MACF1: variants seen among roughly 807,000 people sequenced by gnomAD.
MACF1 encodes the protein microtubule actin crosslinking factor 1.
MACF1 carries 193 observed loss-of-function variants against 854.8 expected under a neutral mutation model. That is an observed-to-expected ratio of 0.23 (90% confidence interval 0.20 to 0.25). MACF1 has a LOEUF of 0.25. MACF1 is among the 10% of genes least tolerant of loss of function. The probability of loss-of-function intolerance (pLI) is 1.00; values close to 1 mark genes in which losing one functional copy is unlikely to be tolerated. For synonymous variants in MACF1, 3,185 were observed against 3,226.7 expected, an observed-to-expected ratio of 0.99 and a Z score of 0.44; for missense variants, 7,722 against 8,929.1, an observed-to-expected ratio of 0.86 and a Z score of 5.45.
At chr1:39,103,288 A>C (rs1642139290) in intron 2 of MACF1, 1 of 312,752 alleles carries the variant, frequency 3.2e-6, no homozygotes, top group South Asian at 2.9e-5. Context: ...ACCTGCTCAC[A>C]AAGTGGCGCG....
At chr1:39,358,282 A>G (rs1475630760) in intron 45 of MACF1, among the ~76,000 whole-genome samples, 1 of 152,142 alleles carries the variant, frequency 6.6e-6, no homozygotes, top group East Asian at 1.9e-4. Flanking sequence ...GTGAATCCTT[A>G]CCTTCCTTCC....
At chr1:39,448,954 C>T (rs1332634698) in intron 84 of MACF1, among the ~76,000 whole-genome samples, 191 bp downstream of exon 84, 2 of 152,124 alleles carry the variant, frequency 1.3e-5, no homozygotes, top group East Asian at 1.9e-4. Flanking sequence ...TAAACTTGAA[C>T]CTTATTGTAT....
intron 66 of MACF1, among the ~76,000 whole-genome samples, chr1:39,431,165 A>G (rs1427373633): frequency 2.0e-5 from 3 of 152,214 alleles, no homozygotes; most frequent in African/African-American, 7.2e-5. Flanking sequence ...TTCTTAGCTA[A>G]TGCCCTGCTA....
At chr1:39,290,935 A>G (rs1645769348) in intron 15 of MACF1, among the ~76,000 whole-genome samples, 2 of 151,356 alleles carry the variant, frequency 1.3e-5, no homozygotes, top group African/African-American at 4.9e-5. Flanking sequence ...TTGGCCTCCC[A>G]AAGTGCTGGG....
intron 22 of MACF1, 71 bp from the exon 23 acceptor site, chr1:39,302,853 G>T: frequency 7.0e-7 from 1 of 1,428,324 alleles, no homozygotes; most frequent in East Asian, 2.3e-5. Flanking sequence ...GATAGCTTTG[G>T]GATGAGGCAC....
chr1:39,432,428 T>TA, intron 66 of MACF1, 107 bp from the exon 67 acceptor site: 2 of 929,702 alleles, frequency 2.2e-6, no homozygotes, highest in South Asian at 3.4e-5. Flanking sequence ...TTGTGAGATA[T>TA]AAACTGTATT....
rs1325023208 is a variant in MACF1 at position 39,302,934 on chromosome 1, G to T, written c.2645G>T (p.Cys882Phe). 1.2e-6 allele frequency: 2 copies of T among 1,613,584 alleles called. No individual in the cohort carries two copies. Among genetic ancestry groups the T allele is most frequent in the East Asian group, 2.2e-5 (1 of 44,862 alleles). ...AATTTATCTCTTCAGATTACTATTT[G>T]CAAAAATGATGAATGTGTGCTAGAA... The part of the protein sequence containing the change: ...CDYRQIEITI[C>F]KNDECVLEDN... The change falls in exon 23 of 101, where the codon TGC becomes TTC. Residue 882 changes from cysteine (C) to phenylalanine (F), a missense_variant. This residue lies in a region of MACF1 where 1,137 missense variants were observed against 1,263.0 expected (regional missense o/e 0.90). Coordinates refer to ENST00000564288, the MANE Select transcript of MACF1 (RefSeq NM_001394062.1).
At chr1:39,219,161 G>T (rs934159701) in intron 1 of MACF1, among the ~76,000 whole-genome samples, 2 of 152,128 alleles carry the variant, frequency 1.3e-5, no homozygotes, top group South Asian at 2.1e-4. Flanking sequence ...AATCCTCATT[G>T]GTACTTTCTC....
rs777776021 is a variant in MACF1 at position 39,282,372 on chromosome 1, C to T, written c.693C>T (p.Tyr231=). The T allele has an allele frequency of 1.9e-6, 3 of 1,612,102 alleles. No individual in the cohort carries two copies. The highest frequency in any genetic ancestry group is 2.5e-6 in the Non-Finnish European group (3 of 1,178,606). The stretch of plus-strand genomic sequence containing the variant: ...TGTTCAATGCACTCATTCACCGATA[C>T]CGGTAAGAACAGTGGAATTTCTGTG... The part of the protein sequence containing the change: ...GKMFNALIHR[Y]RPDLVDMERV... Residue 231 remains tyrosine, a splice_region_variant and synonymous_variant, in exon 7 of 101, where the codon TAC becomes TAT. Transcript: ENST00000564288.
At chr1:39,462,540 C>A (rs1046924269) in intron 93 of MACF1, among the ~76,000 whole-genome samples, 3 of 59,964 alleles carry the variant, frequency 5.0e-5, no homozygotes, top group Non-Finnish European at 1.0e-4. Flanking sequence ...TTCTGTCTGT[C>A]CCCCCCGCCA....
intron 94 of MACF1, chr1:39,464,048 T>G: frequency 4.7e-6 from 1 of 211,836 alleles, no homozygotes; most frequent in Non-Finnish European, 9.9e-6. Context: ...GCTCCCAGGC[T>G]AGAGAGGCCT....
intron 6 of MACF1, among the ~76,000 whole-genome samples, chr1:39,274,339 A>G (rs1171355844): frequency 6.6e-6 from 1 of 152,232 alleles, no homozygotes; most frequent in Admixed American, 6.5e-5. Flanking sequence ...TAATACATAT[A>G]CAGTTGGCTC....
In MACF1 at chr1:39,360,012, AATATAT is replaced by A. The variant is rs1188839648; in HGVS notation, c.12245-745_12245-740del. ...AAAAAAAAAAAAAAAAAAAAAAAAA[AATATAT>A]ATATATATATATATATATATATATA... On this transcript the variant is annotated intron_variant, in intron 47 of 100. Transcript: ENST00000564288. 4.3e-3 allele frequency among the ~76,000 whole-genome samples: 123 copies of A among 28,794 alleles called. 1 individual carries two copies. The highest frequency in any genetic ancestry group is 0.012 in the South Asian group (6 of 516). The allele number at this position is 28,794 out of a possible 152,430, so 18.9% of individuals were successfully genotyped here.
intron 38 of MACF1, 73 bp from the exon 39 acceptor site, chr1:39,340,429 A>G: frequency 9.4e-7 from 1 of 1,065,894 alleles, no homozygotes; most frequent in Non-Finnish European, 1.4e-6. Flanking sequence ...GGTGAGAGAG[A>G]AATGTGTTCA....
chr1:39,350,872 A>G lies in MACF1; in HGVS notation c.11053A>G (p.Lys3685Glu). Residue 3685 changes from lysine to glutamate, a missense_variant, in exon 43 of 101, where the codon AAG becomes GAG. Lys to Glu is a moderately conservative substitution (Grantham distance 56). Around this residue, in one of 15 missense-constraint regions of MACF1, gnomAD observed 2,807 missense variants for 3,235.8 expected, o/e 0.87. Coordinates refer to ENST00000564288, the MANE Select transcript of MACF1 (RefSeq NM_001394062.1). ...GGGGTTCATGGAAGAGAATCAGACC[A>G]AGCTGAGCCCACGTGAGTTGACAGC... The part of the protein sequence containing the change: ...IEGFMEENQT[K>E]LSPRELTALR... 1 of 1,614,062 alleles carries G rather than the reference A, an allele frequency of 6.2e-7. No individual in the cohort carries two copies. The highest frequency in any genetic ancestry group is 8.5e-7 in the Non-Finnish European group (1 of 1,179,972).
chr1:39,138,574 G>A (rs1050170201), intron 2 of MACF1, among the ~76,000 whole-genome samples: 1 of 150,212 alleles, frequency 6.7e-6, no homozygotes, highest in Non-Finnish European at 1.5e-5. Flanking sequence ...GACAGAGAGA[G>A]ACTCTGTCTC....
Position 39,269,561 on chromosome 1 carries a change from C to T in MACF1, c.528+11533C>T, listed in dbSNP as rs1174439485. On this transcript the variant is annotated intron_variant, in intron 6 of 100. Transcript: ENST00000564288. ...TGTCCATCAGTGGTGTGACTGTGAGCATTTTGCCCTCCTCCTCTGGCTATG... is the reference window on the plus strand; with the variant it reads ...TGTCCATCAGTGGTGTGACTGTGAGTATTTTGCCCTCCTCCTCTGGCTATG... 2.3e-6 allele frequency: 3 copies of T among 1,289,676 alleles called. No homozygotes were observed. The African/African-American group carries it at 4.6e-5, about 20-fold the overall frequency. 79.9% of individuals were successfully genotyped at this position (1,289,676 alleles called of 1,614,324 possible). A position where few individuals can be genotyped will look rare whatever the true frequency, so the allele number is the denominator to read the frequency against.
chr1:39,447,952 T>C lies in MACF1; in HGVS notation c.19968+54T>C, dbSNP rs373473916. The C allele has an allele frequency of 6.2e-6, 10 of 1,611,846 alleles. No homozygotes were observed. The East Asian group carries it at 8.9e-5, about 14-fold the overall frequency. On this transcript the variant is annotated intron_variant, in intron 82 of 100. Transcript: ENST00000564288. ...ACTGAAGAGTCTTGGGCTGCATGTATTGAGTCTCTGGGATGATTCTCAAAC... is the reference window on the plus strand; with the variant it reads ...ACTGAAGAGTCTTGGGCTGCATGTACTGAGTCTCTGGGATGATTCTCAAAC...
rs760113791 is a variant in MACF1 at position 39,331,479 on chromosome 1, C to T, written c.4891C>T (p.Pro1631Ser). Residue 1631 changes from proline to serine, a missense_variant, in exon 37 of 101, where the codon CCT (proline) becomes TCT (serine). This residue lies in a region of MACF1 where 1,531 missense variants were observed against 1,601.6 expected (regional missense o/e 0.96). Coordinates refer to ENST00000564288, the MANE Select transcript of MACF1 (RefSeq NM_001394062.1). ...AAGCAGGCTTACTGAGAGCAGAGGC[C>T]CTCTTTCTGTGGTGGAAGCAATTGA... is the stretch of plus-strand genomic sequence containing the variant. ...LISRLTESRG[P>S]LSVVEAIEKR... 1.2e-4 allele frequency: 195 copies of T among 1,613,934 alleles called. No individual in the cohort carries two copies. Among genetic ancestry groups the T allele is most frequent in the Non-Finnish European group, 1.6e-4 (191 of 1,180,030 alleles).
Sources: allele counts gnomAD v4.1 joint callset (sites outside exome capture counted in the v4.1 genomes callset), GRCh38; gene constraint gnomAD v4.1.1; regional missense constraint gnomAD v4.1.1; transcripts MANE v1.5; gene names NCBI Gene and HGNC (gene_info 2026-07-23, HGNC 2026-07-21).